The following NAV2 variants were observed in gnomAD, a reference collection of about 807,000 sequenced individuals.
NAV2 encodes the protein helicase, APC down-regulated 1.
Under a neutral mutation model 223.2 loss-of-function variants are expected in NAV2, and 54 were observed. That is an observed-to-expected ratio of 0.24 (90% CI 0.19 to 0.30). NAV2 has a LOEUF of 0.30. NAV2 is among the 10% of genes least tolerant of loss of function. NAV2 has a pLI of 1.00. For synonymous variants in NAV2, 1,279 were observed against 1,239.3 expected, an observed-to-expected ratio of 1.03 and a Z score of -0.67; for missense variants, 2,806 against 3,147.5, an observed-to-expected ratio of 0.89 and a Z score of 2.60.
At chr11:19,623,039 G>T (rs1285786350) in intron 1 of NAV2, among the ~76,000 whole-genome samples, 2 of 152,112 alleles carry the variant, frequency 1.3e-5, no homozygotes, top group Non-Finnish European at 2.9e-5. Flanking sequence ...AGTTTGGCTG[G>T]ATATGAAATT....
chr11:19,990,657 G>C (rs2030540589), intron 11 of NAV2, among the ~76,000 whole-genome samples: 1 of 152,126 alleles, frequency 6.6e-6, no homozygotes, highest in South Asian at 2.1e-4. Flanking sequence ...CTAGCTGCCA[G>C]TATTTGAGCC....
intron 11 of NAV2, among the ~76,000 whole-genome samples, chr11:20,034,602 G>A (rs1183094843): frequency 1.3e-5 from 2 of 152,126 alleles, no homozygotes; most frequent in Non-Finnish European, 2.9e-5. Flanking sequence ...GGCTGGTCTC[G>A]AACTCCTGAC....
chr11:19,401,005 C>T (rs1048206686), intron 1 of NAV2, among the ~76,000 whole-genome samples: 3 of 152,098 alleles, frequency 2.0e-5, no homozygotes, highest in African/African-American at 7.2e-5. Flanking sequence ...AACATTGGCT[C>T]CCTCTAAATT....
intron 1 of NAV2, among the ~76,000 whole-genome samples, chr11:19,753,618 G>A (rs2054013521): frequency 6.6e-6 from 1 of 152,188 alleles, no homozygotes; most frequent in Non-Finnish European, 1.5e-5. Flanking sequence ...GTCTCCCCCT[G>A]CACGAGGACC....
At chr11:19,732,583 G>T (rs1335661617) in intron 1 of NAV2, among the ~76,000 whole-genome samples, 1 of 152,220 alleles carries the variant, frequency 6.6e-6, no homozygotes, top group African/African-American at 2.4e-5. Context: ...AGCCCAAGGA[G>T]GCATAGCCAG....
chr11:19,818,439 T>C (rs2059217035), intron 1 of NAV2, among the ~76,000 whole-genome samples: 1 of 151,868 alleles, frequency 6.6e-6, no homozygotes. Context: ...ATATAGTATT[T>C]CCCTCATACA....
intron 1 of NAV2, among the ~76,000 whole-genome samples, chr11:19,621,189 C>T (rs1019250178): frequency 1.3e-5 from 2 of 152,122 alleles, no homozygotes; most frequent in Admixed American, 6.5e-5. Context: ...ATTTTTGCAT[C>T]GATGTTCATC....
chr11:19,528,715 A>C (rs920890401), intron 1 of NAV2, among the ~76,000 whole-genome samples: 4 of 152,132 alleles, frequency 2.6e-5, no homozygotes, highest in African/African-American at 9.7e-5. Flanking sequence ...GCAGATCACG[A>C]GGTCAAGAGA....
At chr11:20,017,466 C>A (rs2054110003) in intron 11 of NAV2, among the ~76,000 whole-genome samples, 1 of 152,194 alleles carries the variant, frequency 6.6e-6, no homozygotes, top group African/African-American at 2.4e-5. Context: ...CCTTTCCCTA[C>A]CACACTATTT....
rs1164530945 is a variant in NAV2, at chr11:19,948,753, G to T, written c.2318G>T (p.Ser773Ile). ...TTEMSGRSIL[S>I]LTGRPTPLSW... ...GAGATGAGTGGCCGTAGCATACTCA[G>T]CTTGACAGGGAGGCCCACACCTCTG... The change falls in exon 10 of 38, where the codon AGC becomes ATC. Residue 773 changes from serine (S) to isoleucine (I), a missense_variant. Ser to Ile is a moderately radical substitution (Grantham distance 142). This residue lies in a region of NAV2 where 1,167 missense variants were observed against 1,180.5 expected (regional missense o/e 0.99). Transcript: ENST00000349880. 5.0e-6 allele frequency: 8 copies of T among 1,612,006 alleles called. 1 individual carries two copies.
At chr11:19,874,757 A>G (rs993669603) in intron 4 of NAV2, among the ~76,000 whole-genome samples, 2 of 152,248 alleles carry the variant, frequency 1.3e-5, no homozygotes, top group African/African-American at 4.8e-5. Context: ...ATGTCCATCA[A>G]TTGGTGAATG....
chr11:20,069,946 G>A (rs767852671), intron 22 of NAV2, among the ~76,000 whole-genome samples: 22 of 152,116 alleles, frequency 1.4e-4, no homozygotes, highest in Non-Finnish European at 2.8e-4. Flanking sequence ...TCAGTAACTG[G>A]TAGCTGCCCC....
At chr11:19,515,218 T>C (rs1435130889) in intron 1 of NAV2, among the ~76,000 whole-genome samples, 1 of 152,222 alleles carries the variant, frequency 6.6e-6, no homozygotes, top group Non-Finnish European at 1.5e-5. Flanking sequence ...CATAGCACAA[T>C]GTCTGGTACA....
At chr11:19,628,980 C>T (rs960347088) in intron 1 of NAV2, among the ~76,000 whole-genome samples, 3 of 152,186 alleles carry the variant, frequency 2.0e-5, no homozygotes, top group African/African-American at 7.2e-5. Flanking sequence ...GCCCTATCTC[C>T]TATGCCCACC....
chr11:20,035,105 A>T (rs1425660504), intron 11 of NAV2, among the ~76,000 whole-genome samples: 2 of 151,896 alleles, frequency 1.3e-5, no homozygotes, highest in Non-Finnish European at 2.9e-5. Flanking sequence ...CTGCGGGCGG[A>T]TGGACCATTA....
intron 6 of NAV2, among the ~76,000 whole-genome samples, chr11:19,907,118 T>A (rs1251083874): frequency 6.6e-6 from 1 of 151,544 alleles, no homozygotes; most frequent in Non-Finnish European, 1.5e-5. Flanking sequence ...GATGAAACCA[T>A]ACAGAAAAAT....
the NAV2 span, among the ~76,000 whole-genome samples, chr11:19,345,587 G>A: frequency 2.6e-5 from 4 of 152,226 alleles, no homozygotes; most frequent in African/African-American, 9.6e-5. The surrounding 1 kb of genome is among the most constrained non-coding windows in gnomAD (Gnocchi z 5.2). Context: ...ATAGATACCG[G>A]GCGAGCGGAC....
At chr11:19,431,301 C>T (rs1024860329) in intron 1 of NAV2, among the ~76,000 whole-genome samples, 7 of 152,148 alleles carry the variant, frequency 4.6e-5, no homozygotes, top group Middle Eastern at 3.2e-3. Flanking sequence ...TCTTCTAGTT[C>T]TTTGCTGCGT....
chr11:19,634,931 G>A (rs1348063683), intron 1 of NAV2, among the ~76,000 whole-genome samples: 1 of 152,162 alleles, frequency 6.6e-6, no homozygotes, highest in Non-Finnish European at 1.5e-5. Context: ...AGACCTATTG[G>A]TTTCAAGAAC....
Sources: allele counts gnomAD v4.1 joint callset (sites outside exome capture counted in the v4.1 genomes callset), GRCh38; gene constraint gnomAD v4.1.1; regional missense constraint gnomAD v4.1.1; non-coding constraint Gnocchi (gnomAD v3.1); transcripts MANE v1.5; gene names NCBI Gene and HGNC (gene_info 2026-07-23, HGNC 2026-07-21).